CCSER1: variants seen among roughly 807,000 people sequenced by gnomAD.
CCSER1 encodes the protein serine-rich coiled-coil domain-containing protein 1.
A neutral mutation model predicts 82.0 loss-of-function variants in CCSER1; 41 were observed. The observed-to-expected ratio is 0.50, with a 90% CI of 0.39 to 0.65. The LOEUF (loss-of-function observed/expected upper bound fraction) is 0.65. Ranked by LOEUF, CCSER1 falls within the 30% of genes least tolerant of loss-of-function variation. The probability of loss-of-function intolerance (pLI) is 0.00; values close to 1 mark genes in which losing one functional copy is unlikely to be tolerated. For synonymous variants in CCSER1, 414 were observed against 383.9 expected (o/e 1.08, Z -0.92); for missense variants, 1,119 against 1,064.2 (o/e 1.05, Z -0.72).
At chr4:90,905,030 C>T (rs1725249979) in intron 8 of CCSER1, among the ~76,000 whole-genome samples, 1 of 152,022 alleles carries the variant, frequency 6.6e-6, no homozygotes, top group Admixed American at 6.6e-5. Flanking sequence ...CTTTACTGTT[C>T]CCTTTTGCTA....
At chr4:90,750,361 T>C (rs1395656147) in intron 7 of CCSER1, among the ~76,000 whole-genome samples, 1 of 152,138 alleles carries the variant, frequency 6.6e-6, no homozygotes, top group African/African-American at 2.4e-5. Context: ...AAGGAGAAGT[T>C]GCTTGGGTGC....
chr4:90,936,485 CCACTT>C (rs1198091071), intron 9 of CCSER1, among the ~76,000 whole-genome samples: 1 of 151,876 alleles, frequency 6.6e-6, no homozygotes, highest in Non-Finnish European at 1.5e-5. Flanking sequence ...TTTTTTTTGT[CCACTT>C]CACATCACAA....
intron 5 of CCSER1, among the ~76,000 whole-genome samples, chr4:90,485,367 GCTGCACCCACTGTC>G (rs1766853513): frequency 6.6e-6 from 1 of 152,214 alleles, no homozygotes; most frequent in East Asian, 1.9e-4. Context: ...CGCACGGTGC[GCTGCACCCACTGTC>G]CTGCACCCAC....
At chr4:90,464,611 A>G (rs980113168) in intron 4 of CCSER1, among the ~76,000 whole-genome samples, 1 of 152,218 alleles carries the variant, frequency 6.6e-6, no homozygotes, top group Non-Finnish European at 1.5e-5. Flanking sequence ...ATTAACAACA[A>G]AAATTCTTTT....
chr4:90,899,268 T>C (rs1724237581), intron 8 of CCSER1, among the ~76,000 whole-genome samples: 1 of 152,136 alleles, frequency 6.6e-6, no homozygotes, highest in South Asian at 2.1e-4. Flanking sequence ...ATTGTTGATG[T>C]ATAGAAATAC....
chr4:91,086,377 A>T (rs1723395591), intron 10 of CCSER1, among the ~76,000 whole-genome samples: 1 of 152,068 alleles, frequency 6.6e-6, no homozygotes, highest in African/African-American at 2.4e-5. Flanking sequence ...GACATTTGGG[A>T]TTCCTCATTT....
At chr4:90,606,342 A>G (rs552847181) in intron 5 of CCSER1, among the ~76,000 whole-genome samples, 173 of 152,344 alleles carry the variant, frequency 1.1e-3, no homozygotes, top group Middle Eastern at 6.8e-3. Context: ...CACCTACATT[A>G]TAACGCAGTT....
chr4:90,130,252 C>T (rs1053727840), intron 1 of CCSER1, among the ~76,000 whole-genome samples: 2 of 152,214 alleles, frequency 1.3e-5, no homozygotes, highest in East Asian at 3.9e-4. Context: ...CAGGAACTTA[C>T]TTGCCATGTG....
At chr4:91,257,236 A>G (rs1740759939) in intron 10 of CCSER1, among the ~76,000 whole-genome samples, 1 of 152,140 alleles carries the variant, frequency 6.6e-6, no homozygotes, top group Non-Finnish European at 1.5e-5. Context: ...ATTGGCTTTT[A>G]TTTTATTCTA....
At chr4:90,425,336 G>A (rs1280384534) in intron 4 of CCSER1, among the ~76,000 whole-genome samples, 4 of 152,162 alleles carry the variant, frequency 2.6e-5, no homozygotes, top group East Asian at 3.9e-4. Flanking sequence ...GGAAGAGAGA[G>A]ACAGAGAGTA....
chr4:90,902,722 G>C (rs756391354), intron 8 of CCSER1, among the ~76,000 whole-genome samples: 85 of 152,032 alleles, frequency 5.6e-4, no homozygotes, highest in Non-Finnish European at 1.1e-3. Flanking sequence ...TCTGGCAGCA[G>C]GTTTTTAATT....
chr4:90,238,705 C>A (rs1038447670), intron 1 of CCSER1, among the ~76,000 whole-genome samples: 3 of 152,046 alleles, frequency 2.0e-5, no homozygotes, highest in Non-Finnish European at 4.4e-5. Flanking sequence ...TCAAGATGAA[C>A]AGTTTGAACA....
intron 1 of CCSER1, among the ~76,000 whole-genome samples, chr4:90,273,984 T>G (rs143934616): frequency 0.011 from 1,685 of 152,298 alleles, 16 homozygotes; most frequent in African/African-American, 0.024. Flanking sequence ...ATTTAAAAAC[T>G]TTTTAAAAAT....
chr4:90,630,987 G>A (rs1020346568), intron 6 of CCSER1, among the ~76,000 whole-genome samples: 2 of 151,422 alleles, frequency 1.3e-5, no homozygotes, highest in Non-Finnish European at 2.9e-5. Context: ...TCCGCCTCCC[G>A]GGTTCACGCC....
At chr4:90,421,013 T>A (rs541296664) in intron 4 of CCSER1, among the ~76,000 whole-genome samples, 17 of 152,234 alleles carry the variant, frequency 1.1e-4, no homozygotes, top group African/African-American at 3.8e-4. Context: ...GAACAAGTAA[T>A]TAAGAAAGCA....
At chr4:90,408,766 A>G (rs901612540) in intron 4 of CCSER1, among the ~76,000 whole-genome samples, 2 of 152,240 alleles carry the variant, frequency 1.3e-5, no homozygotes, top group Non-Finnish European at 2.9e-5. Flanking sequence ...CCAGCAACGG[A>G]ACAAAGCTGG....
chr4:90,891,269 A>G (rs991793965), intron 8 of CCSER1, among the ~76,000 whole-genome samples: 2 of 151,744 alleles, frequency 1.3e-5, no homozygotes, highest in Admixed American at 6.6e-5. Flanking sequence ...GGTTTATTCT[A>G]TATACAAAGG....
At chr4:90,166,527 A>T (rs1040664295) in intron 1 of CCSER1, among the ~76,000 whole-genome samples, 4 of 152,064 alleles carry the variant, frequency 2.6e-5, no homozygotes, top group Non-Finnish European at 2.9e-5. Flanking sequence ...AGCATTTAAA[A>T]ATTAATTAAG....
intron 9 of CCSER1, among the ~76,000 whole-genome samples, chr4:90,964,046 T>C (rs1365071351): frequency 6.6e-6 from 1 of 152,180 alleles, no homozygotes; most frequent in Non-Finnish European, 1.5e-5. Flanking sequence ...GAACTCTTTT[T>C]TACACTATTT....
Sources: allele counts gnomAD v4.1 joint callset (sites outside exome capture counted in the v4.1 genomes callset), GRCh38; gene constraint gnomAD v4.1.1; transcripts MANE v1.5; gene names NCBI Gene and HGNC (gene_info 2026-07-23, HGNC 2026-07-21).